RASGRF1: variants seen among roughly 807,000 people sequenced by gnomAD.
RASGRF1 encodes Ras protein specific guanine nucleotide releasing factor 1.
Under a neutral mutation model 138.7 loss-of-function variants are expected in RASGRF1, and 40 were observed. The observed-to-expected ratio is 0.29, with a 90% confidence interval of 0.22 to 0.38. RASGRF1 has a LOEUF of 0.38. Among genes scored for constraint, RASGRF1 ranks in the 10% least tolerant of loss-of-function variants. The pLI is 1.00. For synonymous variants in RASGRF1, 614 were observed against 663.2 expected (o/e 0.93, Z 1.14); for missense variants, 1,108 against 1,650.4 (o/e 0.67, Z 5.69).
At chr15:79,010,596 A>G (rs1281625404) in intron 13 of RASGRF1, among the ~76,000 whole-genome samples, 2 of 152,232 alleles carry the variant, frequency 1.3e-5, no homozygotes, top group East Asian at 3.8e-4. Flanking sequence ...TCTCAGTGGA[A>G]ATTCAGATTT....
rs2055552940 is a variant in RASGRF1, at chr15:78,961,995, C to T, written c.*149G>A. The T allele has an allele frequency of 1.6e-6, 1 of 609,888 alleles. No individual in the cohort carries two copies. Among genetic ancestry groups the T allele is most frequent in the East Asian group, 2.8e-5 (1 of 35,426 alleles). The allele number at this position is 609,888 out of a possible 1,614,324, so 37.8% of individuals were successfully genotyped here. A position where few individuals can be genotyped will look rare whatever the true frequency, so the allele number is the denominator to read the frequency against. Reference sequence around the variant, plus strand: ...CTGAAACGGTGCAGAAATTCATATTCCGGTTCTACAGGAATCTAAGAACAA... The same window carrying T: ...CTGAAACGGTGCAGAAATTCATATTTCGGTTCTACAGGAATCTAAGAACAA... On this transcript the variant is annotated 3_prime_UTR_variant, in exon 27 of 27. Coordinates refer to ENST00000558480, the MANE Select transcript of RASGRF1 (RefSeq NM_001145648.3).
chr15:79,037,756 G>T (rs1475538333), intron 5 of RASGRF1, among the ~76,000 whole-genome samples: 1 of 151,982 alleles, frequency 6.6e-6, no homozygotes, highest in Non-Finnish European at 1.5e-5. Context: ...ACCATGCCTG[G>T]CCTATTTCTT....
chr15:79,059,372 TCC>T (rs2057562097), intron 2 of RASGRF1, among the ~76,000 whole-genome samples: 1 of 38,404 alleles, frequency 2.6e-5, no homozygotes, highest in Non-Finnish European at 5.1e-5. Context: ...CCCTTCCCAA[TCC>T]TTCCCTTCCC....
At chr15:79,021,373 C>A (rs1444115737) in intron 10 of RASGRF1, among the ~76,000 whole-genome samples, 1 of 152,220 alleles carries the variant, frequency 6.6e-6, no homozygotes. Flanking sequence ...GACCACCAAA[C>A]CCTGTGTTTG....
Position 79,025,387 on chromosome 15 carries a change from C to T in RASGRF1, c.1469G>A (p.Arg490Gln). The T allele has an allele frequency of 1.9e-6, 3 of 1,614,108 alleles. No individual in the cohort carries two copies. The highest frequency in any genetic ancestry group is 1.7e-6 in the Non-Finnish European group (2 of 1,179,972). The change falls in exon 10 of 27, where the codon CGA (arginine) becomes CAA (glutamine). Residue 490 changes from arginine to glutamine, a missense_variant. This residue lies in a region of RASGRF1 where 169 missense variants were observed against 344.2 expected (regional missense o/e 0.49). Transcript: ENST00000558480. The part of the protein sequence containing the change: ...GSLSLKKEGE[R>Q]QCFLFSKHLI... ...ATGCTTAGAAAACAGGAAGCACTGTCGCTCGCCCTCTTTCTTTAGGGAGAG... is the reference window on the plus strand; with the variant it reads ...ATGCTTAGAAAACAGGAAGCACTGTTGCTCGCCCTCTTTCTTTAGGGAGAG...
chr15:79,035,711 A>T (rs931715088), intron 5 of RASGRF1, among the ~76,000 whole-genome samples: 4 of 152,204 alleles, frequency 2.6e-5, no homozygotes, highest in Non-Finnish European at 2.9e-5. Context: ...CGGCTGTGAG[A>T]CCATGAATAA....
rs2055520351 is a variant in RASGRF1 at position 78,960,130 on chromosome 15, A to C, written c.*2014T>G. ...AGGATCTAGAATCTTCTCCCTCTAG[A>C]TCCCTTCTTTCTCCGCTTGCTATCC... On this transcript the variant is annotated 3_prime_UTR_variant, in exon 27 of 27. Transcript: ENST00000558480. 1 of 152,048 alleles carries C rather than the reference A, an allele frequency of 6.6e-6. No individual in the cohort carries two copies. The highest frequency in any genetic ancestry group is 2.1e-4 in the South Asian group (1 of 4,826). The allele number at this position is 152,048 out of a possible 1,614,324, so 9.4% of individuals were successfully genotyped here.
intron 8 of RASGRF1, among the ~76,000 whole-genome samples, chr15:79,029,769 G>A (rs1456383223): frequency 6.6e-6 from 1 of 152,112 alleles, no homozygotes; most frequent in Non-Finnish European, 1.5e-5. Flanking sequence ...AAAACCTTCT[G>A]TGCCACTTGG....
intron 10 of RASGRF1, among the ~76,000 whole-genome samples, chr15:79,022,440 C>T (rs2056973876): frequency 6.6e-6 from 1 of 151,258 alleles, no homozygotes; most frequent in Admixed American, 6.6e-5. Flanking sequence ...AACTCCACCT[C>T]AAAAACAAAC....
At chr15:78,979,404 T>TA (rs1401452124) in intron 24 of RASGRF1, 1 of 244,238 alleles carries the variant, frequency 4.1e-6, no homozygotes, top group Non-Finnish European at 8.3e-6. Flanking sequence ...TAGTAAACTC[T>TA]GGTGTTCCCT....
intron 14 of RASGRF1, among the ~76,000 whole-genome samples, 170 bp from the exon 15 acceptor site, chr15:79,004,345 A>G (rs914347109): frequency 3.3e-5 from 5 of 152,124 alleles, no homozygotes; most frequent in Non-Finnish European, 5.9e-5. Context: ...ATGCGATTAA[A>G]TGGCCTGGGG....
chr15:78,990,128 C>T (rs1176344272), intron 22 of RASGRF1, 61 bp downstream of exon 22: 1 of 1,322,744 alleles, frequency 7.6e-7, no homozygotes, highest in Non-Finnish European at 1.1e-6. Flanking sequence ...CTCTACCCAG[C>T]CTCTTGAGCG....
At chr15:79,060,939 A>G (rs1007701914) in intron 2 of RASGRF1, among the ~76,000 whole-genome samples, 1 of 151,648 alleles carries the variant, frequency 6.6e-6, no homozygotes, top group Non-Finnish European at 1.5e-5. Flanking sequence ...GTTGACCTTA[A>G]GGCAGGGAGA....
chr15:79,064,411 G>A lies in RASGRF1; in HGVS notation c.383+9C>T, dbSNP rs776188645. 2 of 1,612,786 alleles carry A rather than the reference G, an allele frequency of 1.2e-6. No homozygotes were observed. The highest frequency in any genetic ancestry group is 2.7e-5 in the African/African-American group (2 of 74,896). ...GTAGGGGCTTCCTGCCCTGGGCAAGGAGACATACCTGGCATGTGCAATGGC... is the reference window on the plus strand; with the variant it reads ...GTAGGGGCTTCCTGCCCTGGGCAAGAAGACATACCTGGCATGTGCAATGGC... On this transcript the variant is annotated intron_variant, in intron 2 of 26. Transcript: ENST00000558480.
intron 20 of RASGRF1, among the ~76,000 whole-genome samples, chr15:78,992,050 C>T (rs2095303002): frequency 6.6e-6 from 1 of 152,182 alleles, no homozygotes; most frequent in Non-Finnish European, 1.5e-5. Flanking sequence ...CCTCACCCAC[C>T]CTGCCAGGGA....
At chr15:78,972,165 G>A (rs551123337) in intron 25 of RASGRF1, among the ~76,000 whole-genome samples, 2 of 152,094 alleles carry the variant, frequency 1.3e-5, no homozygotes, top group East Asian at 1.9e-4. Flanking sequence ...GCGTGATCTC[G>A]GCTCAGTGCA....
chr15:79,090,557 C>G lies in RASGRF1; in HGVS notation c.-59G>C, dbSNP rs865960340. 9 of 1,575,564 alleles carry G rather than the reference C, an allele frequency of 5.7e-6. No individual in the cohort carries two copies. The highest frequency in any genetic ancestry group is 4.6e-5 in the South Asian group (4 of 87,406). ...ACATCTTCTCCGCGCAGCAGCCCCC[C>G]GTCCGTGCGCGCTGCGCGCTGCCTC... On this transcript the variant is annotated 5_prime_UTR_variant, in exon 1 of 27. Coordinates refer to ENST00000558480, the MANE Select transcript of RASGRF1 (RefSeq NM_001145648.3).
At chr15:79,033,928 A>G (rs1278759528) in intron 6 of RASGRF1, among the ~76,000 whole-genome samples, 11 of 152,238 alleles carry the variant, frequency 7.2e-5, no homozygotes, top group African/African-American at 2.7e-4. Context: ...GAAAGGAAAC[A>G]TGGTTTCCTT....
chr15:79,007,163 G>A (rs564911302), intron 13 of RASGRF1, among the ~76,000 whole-genome samples: 4 of 152,378 alleles, frequency 2.6e-5, no homozygotes, highest in African/African-American at 9.6e-5. Flanking sequence ...AAGGACAGGT[G>A]TCCAGTGCAG....
Sources: gnomAD v4.1 joint callset for allele counts (sites outside exome capture counted in the v4.1 genomes callset) on GRCh38, gnomAD v4.1.1 for gene constraint, gnomAD v4.1.1 regional missense constraint, MANE v1.5 for transcripts, NCBI Gene and HGNC (gene_info 2026-07-23, HGNC 2026-07-21) for gene names.